The following PCDHA11 variants were observed in gnomAD, a reference collection of about 807,000 sequenced individuals.
PCDHA11 encodes the protein protocadherin alpha-11.
A neutral mutation model predicts 70.3 loss-of-function variants in PCDHA11; 61 were observed. The ratio of observed to expected loss-of-function variants is 0.87; its 90% CI spans 0.71 to 1.07. The LOEUF (loss-of-function observed/expected upper bound fraction) is 1.07. Ranked by LOEUF, PCDHA11 falls within the 50% of genes least tolerant of loss-of-function variation. The probability of loss-of-function intolerance (pLI) is 0.00; values close to 1 mark genes in which losing one functional copy is unlikely to be tolerated. For missense variants in PCDHA11, 1,324 were observed against 1,237.5 expected, an observed-to-expected ratio of 1.07 and a Z score of -1.05; for synonymous variants, 633 against 555.1, an observed-to-expected ratio of 1.14 and a Z score of -1.97.
chr5:141,000,904 T>A lies in PCDHA11; in HGVS notation c.2540-8723T>A, dbSNP rs1398868730. Among the ~76,000 whole-genome samples, 6 of 151,990 alleles carry A rather than the reference T, an allele frequency of 3.9e-5. No individual in the cohort carries two copies. The East Asian group carries it at 1.2e-3, about 29-fold the overall frequency. On this transcript the variant is annotated intron_variant, in intron 3 of 3. Coordinates refer to ENST00000398640, the MANE Select transcript of PCDHA11 (RefSeq NM_018902.5). ...ACCTGGGCAACAGATATAGACGCTGTCTCTAAAAAAAAAAATCCTGTGTGA... is the reference window on the plus strand; with the variant it reads ...ACCTGGGCAACAGATATAGACGCTGACTCTAAAAAAAAAAATCCTGTGTGA...
At chr5:140,889,763 T>C (rs2062377523) in intron 1 of PCDHA11, among the ~76,000 whole-genome samples, 1 of 152,192 alleles carries the variant, frequency 6.6e-6, no homozygotes, top group African/African-American at 2.4e-5. Context: ...TCCTTGAACT[T>C]TGACTGGTCT....
chr5:140,908,757 C>G (rs550540742), intron 1 of PCDHA11, among the ~76,000 whole-genome samples: 1 of 152,248 alleles, frequency 6.6e-6, no homozygotes, highest in Non-Finnish European at 1.5e-5. Context: ...TGCACACAGC[C>G]TGGACGTGTT....
intron 1 of PCDHA11, among the ~76,000 whole-genome samples, chr5:140,975,701 T>A (rs2153808072): frequency 6.6e-6 from 1 of 152,358 alleles, no homozygotes; most frequent in East Asian, 1.9e-4. Flanking sequence ...AAACTTATTT[T>A]ACTTTAAATC....
intron 1 of PCDHA11, among the ~76,000 whole-genome samples, chr5:140,963,607 G>A (rs558578531): frequency 2.0e-5 from 3 of 152,306 alleles, no homozygotes; most frequent in Non-Finnish European, 4.4e-5. Context: ...GACGTAATTG[G>A]GAAAGCTTAA....
At chr5:141,003,039 T>C (rs2098108520) in intron 3 of PCDHA11, among the ~76,000 whole-genome samples, 1 of 152,216 alleles carries the variant, frequency 6.6e-6, no homozygotes, top group Admixed American at 6.5e-5. Flanking sequence ...AAAGCCCTCC[T>C]GGCCTTAACA....
intron 1 of PCDHA11, among the ~76,000 whole-genome samples, chr5:140,886,716 C>T (rs1160663504): frequency 1.3e-5 from 2 of 151,034 alleles, no homozygotes; most frequent in Non-Finnish European, 2.9e-5. Flanking sequence ...ATCCCAGCTA[C>T]TTGGGAGGCT....
At chr5:140,886,257 T>C (rs1391638514) in intron 1 of PCDHA11, among the ~76,000 whole-genome samples, 38 of 152,026 alleles carry the variant, frequency 2.5e-4, no homozygotes, top group Admixed American at 2.5e-3. Context: ...AGTATCTCTA[T>C]TTATAGATAA....
intron 1 of PCDHA11, chr5:140,884,666 A>C (rs1554181818): frequency 6.4e-7 from 1 of 1,571,180 alleles, no homozygotes; most frequent in African/African-American, 1.4e-5. Flanking sequence ...GAAAGAGGTA[A>C]GCTTATATTT....
At position 140,871,069 on chromosome 5, in the gene PCDHA11, C is replaced by G; in HGVS notation, c.1966C>G (p.Pro656Ala). 6.2e-7 allele frequency: 1 copy of G among 1,613,228 alleles called. No individual in the cohort carries two copies. The highest frequency in any genetic ancestry group is 2.2e-5 in the East Asian group (1 of 44,864). ...LLVLVKDHGE[P>A]ALTATATVLV... ...AGTACTGGTGAAGGATCACGGTGAG[C>G]CGGCGCTGACGGCCACGGCCACCGT... Residue 656 changes from proline (P) to alanine (A), a missense_variant, in exon 1 of 4, where the codon CCG becomes GCG. Transcript: ENST00000398640.
intron 1 of PCDHA11, among the ~76,000 whole-genome samples, chr5:140,974,086 A>G (rs1554235813): frequency 2.6e-5 from 4 of 152,256 alleles, no homozygotes; most frequent in Non-Finnish European, 5.9e-5. Context: ...CATGACTTCA[A>G]AAATCAAAGG....
intron 1 of PCDHA11, among the ~76,000 whole-genome samples, chr5:140,933,012 A>G (rs1554209160): frequency 6.6e-6 from 1 of 152,008 alleles, no homozygotes; most frequent in Middle Eastern, 3.2e-3. Flanking sequence ...CGGAAATATT[A>G]ACACTTGGCA....
At chr5:140,926,204 G>C (rs888951769) in intron 1 of PCDHA11, among the ~76,000 whole-genome samples, 1 of 151,802 alleles carries the variant, frequency 6.6e-6, no homozygotes, top group South Asian at 2.2e-4. Context: ...CTTTCGGGGG[G>C]CTCCTGTTTC....
rs1554217734 is a variant in PCDHA11, at chr5:140,946,611, A to AATATATATATATATAT, written c.2392-32332_2392-32317dup. Among the ~76,000 whole-genome samples, 269 of 86,770 alleles carry AATATATATATATATAT rather than the reference A, an allele frequency of 3.1e-3. 3 individuals carry two copies. The highest frequency in any genetic ancestry group is 0.011 in the Middle Eastern group (2 of 186). 56.9% of individuals were successfully genotyped at this position (86,770 alleles called of 152,430 possible). A position where few individuals can be genotyped will look rare whatever the true frequency, so the allele number is the denominator to read the frequency against. On this transcript the variant is annotated intron_variant, in intron 1 of 3. Coordinates refer to ENST00000398640, the MANE Select transcript of PCDHA11 (RefSeq NM_018902.5). ...GGATGAATAGATAAAGAAAATGTGAAATATATATATATATATATATACAAT... is the reference window on the plus strand; with the variant it reads ...GGATGAATAGATAAAGAAAATGTGAAATATATATATATATATATATATATATATATATATATACAAT...
At chr5:140,920,638 G>T (rs1245142321) in intron 1 of PCDHA11, among the ~76,000 whole-genome samples, 2 of 152,114 alleles carry the variant, frequency 1.3e-5, no homozygotes, top group African/African-American at 4.8e-5. Flanking sequence ...AAGGTCAAGA[G>T]ATTGAGACCA....
chr5:140,870,704 T>A lies in PCDHA11; in HGVS notation c.1601T>A (p.Val534Glu). 6.2e-7 allele frequency: 1 copy of A among 1,612,984 alleles called. No homozygotes were observed. Among genetic ancestry groups the A allele is most frequent in the East Asian group, 2.2e-5 (1 of 44,858 alleles). The change falls in exon 1 of 4, where the codon GTG becomes GAG. Residue 534 changes from valine to glutamate, a missense_variant. Coordinates refer to ENST00000398640, the MANE Select transcript of PCDHA11 (RefSeq NM_018902.5). ...GAGCTGGAGCTGCTACAGTTCCAGGTGAGCGCGCGCGATGCGGGCGTGCCG... is the reference window on the plus strand; with the variant it reads ...GAGCTGGAGCTGCTACAGTTCCAGGAGAGCGCGCGCGATGCGGGCGTGCCG... The part of the protein sequence containing the change: ...HEELELLQFQ[V>E]SARDAGVPPL...
At chr5:140,979,704 T>C (rs1430662594) in intron 2 of PCDHA11, among the ~76,000 whole-genome samples, 1 of 152,246 alleles carries the variant, frequency 6.6e-6, no homozygotes, top group Non-Finnish European at 1.5e-5. Context: ...TTTCTGGAGG[T>C]GATCCAGTAT....
intron 1 of PCDHA11, among the ~76,000 whole-genome samples, chr5:140,920,226 T>C (rs190564528): frequency 6.6e-6 from 1 of 152,042 alleles, no homozygotes; most frequent in East Asian, 1.9e-4. Context: ...ACATTTATAG[T>C]ATTATATACC....
At chr5:140,884,681 A>G (rs2060314464) in intron 1 of PCDHA11, 1 of 1,546,928 alleles carries the variant, frequency 6.5e-7, no homozygotes, top group Non-Finnish European at 8.7e-7. Flanking sequence ...ATATTTTAAA[A>G]AATTGTCTTA....
chr5:140,877,236 C>T, intron 1 of PCDHA11: 8 of 1,613,686 alleles, frequency 5.0e-6, no homozygotes, highest in Non-Finnish European at 6.8e-6. Context: ...TGGGTGCGGG[C>T]CACGTGGTGG....
Sources: allele counts gnomAD v4.1 joint callset (sites outside exome capture counted in the v4.1 genomes callset), GRCh38; gene constraint gnomAD v4.1.1; transcripts MANE v1.5; gene names NCBI Gene and HGNC (gene_info 2026-07-23, HGNC 2026-07-21).